NUMA1: variants seen among roughly 807,000 people sequenced by gnomAD.
The protein encoded by NUMA1 is nuclear mitotic apparatus protein 1.
A neutral mutation model predicts 237.1 loss-of-function variants in NUMA1; 62 were observed. The ratio of observed to expected loss-of-function variants is 0.26; its 90% CI spans 0.21 to 0.32. The LOEUF is 0.32. NUMA1 is among the 10% of genes least tolerant of loss of function. The pLI is 1.00. For synonymous variants in NUMA1, 1,028 were observed against 1,066.1 expected (o/e 0.96, Z 0.70); for missense variants, 2,533 against 2,666.5 (o/e 0.95, Z 1.10).
At chr11:72,054,373 C>T (rs752817449) in intron 2 of NUMA1, among the ~76,000 whole-genome samples, 3 of 151,468 alleles carry the variant, frequency 2.0e-5, no homozygotes, top group Non-Finnish European at 4.4e-5. Flanking sequence ...GAGGCTGAGG[C>T]AGGAGAATTG....
At chr11:72,050,353 G>T (rs1257834511) in intron 2 of NUMA1, among the ~76,000 whole-genome samples, 1 of 152,122 alleles carries the variant, frequency 6.6e-6, no homozygotes, top group Non-Finnish European at 1.5e-5. Context: ...TTCCACACCA[G>T]AATGCCTTTA....
intron 10 of NUMA1, 80 bp downstream of exon 10, chr11:72,018,743 C>A (rs1275739646): frequency 6.6e-7 from 1 of 1,508,692 alleles, no homozygotes; most frequent in Non-Finnish European, 8.9e-7. Flanking sequence ...CAGGGGCCAG[C>A]AGAGGGGACA....
chr11:72,015,826 G>A lies in NUMA1; in HGVS notation c.1677C>T (p.Ser559=). ...TCAACTGCTGCTCCTTCTGCTTCAG[G>A]CTACTGCTTAGCTGCTCCACCTGGT... ...LRHQVEQLSS[S]LKQKEQQLKE... Residue 559 remains serine (S), a synonymous_variant, in exon 15 of 27, where the codon AGC becomes AGT. Coordinates refer to ENST00000393695, the MANE Select transcript of NUMA1 (RefSeq NM_006185.4). The surrounding 1 kb of genome is among the most constrained non-coding windows in gnomAD (Gnocchi z 4.0). 3 of 1,614,194 alleles carry A rather than the reference G, an allele frequency of 1.9e-6. No individual in the cohort carries two copies. The highest frequency in any genetic ancestry group is 1.1e-5 in the South Asian group (1 of 91,084).
At chr11:72,060,650 CA>C (rs1480666670) in intron 2 of NUMA1, among the ~76,000 whole-genome samples, 1 of 151,952 alleles carries the variant, frequency 6.6e-6, no homozygotes, top group Non-Finnish European at 1.5e-5. Context: ...GTCGAAAAAA[CA>C]AAACGCACAC....
intron 3 of NUMA1, among the ~76,000 whole-genome samples, chr11:72,029,890 T>C (rs888902600): frequency 6.6e-6 from 1 of 152,094 alleles, no homozygotes; most frequent in Non-Finnish European, 1.5e-5. Context: ...AGTTTTGAAA[T>C]ATCTATTCAA....
At chr11:72,040,495 CACACACACACACACACTG>C (rs869142937) in intron 2 of NUMA1, 11 of 114,516 alleles carry the variant, frequency 9.6e-5, no homozygotes, top group Non-Finnish European at 1.1e-4. Context: ...CACACACACA[CACACACACACACACACTG>C]ACCTGGGCCC....
Position 72,014,641 on chromosome 11 carries a change from C to G in NUMA1, c.2862G>C (p.Glu954Asp). ...TGCTGCAGAACTGGCGTCCCTGTTG[C>G]TCTTCCAGCCACTCGGGCTGTCTGT... ...AGDRQPEWLE[E>D]QQGRQFCSTQ... is the part of the protein sequence containing the mutation. Residue 954 changes from glutamate to aspartate, a missense_variant, in exon 15 of 27, where the codon GAG becomes GAC. Glu to Asp is a conservative substitution (Grantham distance 45). This residue lies in a region of NUMA1 where 1,414 missense variants were observed against 1,508.1 expected (regional missense o/e 0.94). Transcript: ENST00000393695. This position sits in a 1 kb window ranked among gnomAD's most constrained non-coding sequence, Gnocchi z 4.6. The G allele has an allele frequency of 6.2e-7, 1 of 1,611,496 alleles. No individual in the cohort carries two copies. Among genetic ancestry groups the G allele is most frequent in the Non-Finnish European group, 8.5e-7 (1 of 1,180,028 alleles).
intron 15 of NUMA1, 66 bp downstream of exon 15, chr11:72,012,827 CAG>C: frequency 1.3e-6 from 2 of 1,564,102 alleles, no homozygotes; most frequent in Admixed American, 1.8e-5. Flanking sequence ...GCCCTGGACA[CAG>C]AGGATCGATG....
At chr11:72,028,473 A>G (rs1939868492) in intron 4 of NUMA1, among the ~76,000 whole-genome samples, 1 of 151,180 alleles carries the variant, frequency 6.6e-6, no homozygotes, top group African/African-American at 2.4e-5. Context: ...AAAAAAAAAA[A>G]AAAAAGATGA....
intron 3 of NUMA1, among the ~76,000 whole-genome samples, chr11:72,031,982 A>C (rs1451131519): frequency 3.0e-5 from 1 of 33,214 alleles, no homozygotes; most frequent in Non-Finnish European, 1.1e-4. Flanking sequence ...TAAAAAAAAA[A>C]AAAAAAAGAG....
chr11:72,004,530 A>G (rs1590850769), intron 24 of NUMA1, 110 bp downstream of exon 24: 2 of 1,284,188 alleles, frequency 1.6e-6, no homozygotes, highest in East Asian at 4.7e-5. Flanking sequence ...GAGAGAGGGA[A>G]AGAGAGGGGG....
At chr11:72,070,283 CTAAAGCATCATATCTAAATTCTTTGGCT>C (rs1591083619) in intron 1 of NUMA1, among the ~76,000 whole-genome samples, 1 of 152,226 alleles carries the variant, frequency 6.6e-6, no homozygotes, top group East Asian at 1.9e-4. Flanking sequence ...TTTCTTCTCC[CTAAAGCATCATATCTAAATTCTTTGGCT>C]TAACTTTCCA....
At chr11:72,064,845 CAAA>C (rs557513793) in intron 2 of NUMA1, among the ~76,000 whole-genome samples, 15 of 30,520 alleles carry the variant, frequency 4.9e-4, no homozygotes, top group African/African-American at 1.1e-3. Flanking sequence ...AACAAACAAA[CAAA>C]AAAAAGGCAG....
In NUMA1 at chr11:72,022,385, C is replaced by G; in HGVS notation, c.326G>C (p.Ser109Thr). 6.2e-7 allele frequency: 1 copy of G among 1,613,738 alleles called. No individual in the cohort carries two copies. The highest frequency in any genetic ancestry group is 1.3e-5 in the African/African-American group (1 of 74,988). Reference sequence around the variant, plus strand: ...TTCCCAGTCCCTGGGACTTTTGGAGCTCATGGTAGAGTGGTATAAGAGCAG... The same window carrying G: ...TTCCCAGTCCCTGGGACTTTTGGAGGTCATGGTAGAGTGGTATAAGAGCAG... ...TMLLLYHSTMSSKSPRDWEQF... is the reference protein window; with the variant it reads ...TMLLLYHSTMTSKSPRDWEQF... The change falls in exon 7 of 27, where the codon AGC (serine) becomes ACC (threonine). Residue 109 changes from serine (S) to threonine (T), a missense_variant. By Grantham distance (58) the Ser-to-Thr change is moderately conservative. Transcript: ENST00000393695.
At chr11:72,080,265 C>A (rs1944034826) in intron 1 of NUMA1, 193 bp downstream of exon 1, 1 of 6,096 alleles carries the variant, frequency 1.6e-4, no homozygotes, top group Non-Finnish European at 4.2e-4. Flanking sequence ...CCCTTTAAGG[C>A]ACCCCCCCCC....
At position 72,014,665 on chromosome 11, in the gene NUMA1, G is replaced by C. The variant is rs759924678; in HGVS notation, c.2838C>G (p.Asp946Glu). 24 of 1,612,886 alleles carry C rather than the reference G, an allele frequency of 1.5e-5. No individual in the cohort carries two copies. Among genetic ancestry groups the C allele is most frequent in the Non-Finnish European group, 1.9e-5 (23 of 1,180,038 alleles). ...ELVKEPARAG[D>E]RQPEWLEEQQ... ...GCTCTTCCAGCCACTCGGGCTGTCT[G>C]TCTCCTGCCCTCGCAGGCTCCTTGA... The change falls in exon 15 of 27, where the codon GAC (aspartate) becomes GAG (glutamate). Residue 946 changes from aspartate (D) to glutamate (E), a missense_variant. By Grantham distance (45) the Asp-to-Glu change is conservative. Around this residue, in one of 3 missense-constraint regions of NUMA1, gnomAD observed 1,414 missense variants for 1,508.1 expected, o/e 0.94. Transcript: ENST00000393695. The surrounding 1 kb of genome is among the most constrained non-coding windows in gnomAD (Gnocchi z 4.6).
At position 72,003,957 on chromosome 11, in the gene NUMA1, C is replaced by T. The variant is rs868728750; in HGVS notation, c.6266G>A (p.Arg2089His). Residue 2089 changes from arginine to histidine, a missense_variant, in exon 26 of 27, where the codon CGC becomes CAC. Around this residue, in one of 3 missense-constraint regions of NUMA1, gnomAD observed 795 missense variants for 750.8 expected, o/e 1.06. Coordinates refer to ENST00000393695, the MANE Select transcript of NUMA1 (RefSeq NM_006185.4). The stretch of plus-strand genomic sequence containing the variant: ...GGCGCTGGCTGTGGTGGTGGCAATG[C>T]GCGGAGAACGGCGGGTTCCACTGCG... Reference protein sequence around the residue: ...NTRSGTRRSPRIATTTASAAT... With the variant: ...NTRSGTRRSPHIATTTASAAT... 1.2e-5 allele frequency: 20 copies of T among 1,613,268 alleles called. No homozygotes were observed. The highest frequency in any genetic ancestry group is 1.4e-5 in the Non-Finnish European group (17 of 1,179,716).
At chr11:72,042,179 C>G (rs1941723665) in intron 2 of NUMA1, 1 of 152,206 alleles carries the variant, frequency 6.6e-6, no homozygotes, top group Admixed American at 6.6e-5. Context: ...CACAGCATTT[C>G]CCCCCACTGA....
At chr11:72,035,841 T>A in intron 3 of NUMA1, 61 bp downstream of exon 3, 2 of 1,523,056 alleles carry the variant, frequency 1.3e-6, no homozygotes, top group Non-Finnish European at 1.8e-6. Flanking sequence ...AAAACTCCTC[T>A]CCTAACTCTC....
Sources: gnomAD v4.1 joint callset for allele counts (sites outside exome capture counted in the v4.1 genomes callset) on GRCh38, gnomAD v4.1.1 for gene constraint, gnomAD v4.1.1 regional missense constraint, Gnocchi (gnomAD v3.1) non-coding constraint, MANE v1.5 for transcripts, NCBI Gene and HGNC (gene_info 2026-07-23, HGNC 2026-07-21) for gene names.